Variants in SPNS1 observed in about 807,000 individuals in gnomAD.
The protein encoded by SPNS1 is protein spinster homolog 1.
Under a neutral mutation model 50.3 loss-of-function variants are expected in SPNS1, and 22 were observed. The ratio of observed to expected loss-of-function variants is 0.44; its 90% CI spans 0.31 to 0.62. The LOEUF is 0.62. Among genes scored for constraint, SPNS1 ranks in the 20% least tolerant of loss-of-function variants. SPNS1 has a pLI of 0.07. For missense variants in SPNS1, 576 were observed against 728.6 expected (o/e 0.79, Z 2.41); for synonymous variants, 295 against 317.4 (o/e 0.93, Z 0.75).
intron 3 of SPNS1, chr16:28,978,936 C>T: frequency 1.7e-6 from 1 of 601,230 alleles, no homozygotes; most frequent in East Asian, 2.9e-5. Flanking sequence ...TTGTTATCCT[C>T]CTTTTGCAGA....
At position 28,981,228 on chromosome 16, in the gene SPNS1, G is replaced by A. The variant is rs1965539355; in HGVS notation, c.664-242G>A. 1.3e-5 allele frequency among the ~76,000 whole-genome samples: 2 copies of A among 152,206 alleles called. No homozygotes were observed. The highest frequency in any genetic ancestry group is 4.1e-4 in the South Asian group (2 of 4,832). ...ATTTAAACCAAGTGGATTGAGAGAA[G>A]TAGGGGTACTGGTTTCCCAAAAGAA... On this transcript the variant is annotated intron_variant, in intron 5 of 11. Coordinates refer to ENST00000311008, the MANE Select transcript of SPNS1 (RefSeq NM_032038.3). This position sits in a 1 kb window ranked among gnomAD's most constrained non-coding sequence, Gnocchi z 4.2.
chr16:28,980,418 A>T (rs1965503223), intron 5 of SPNS1: 1 of 151,936 alleles, frequency 6.6e-6, no homozygotes, highest in Non-Finnish European at 1.5e-5. Flanking sequence ...GGTGTGAGCC[A>T]TGCGCCTGGC....
Position 28,983,678 on chromosome 16 carries a change from C to A in SPNS1, c.1321-108C>A. On this transcript the variant is annotated intron_variant, in intron 10 of 11. Coordinates refer to ENST00000311008, the MANE Select transcript of SPNS1 (RefSeq NM_032038.3). The surrounding 1 kb of genome is among the most constrained non-coding windows in gnomAD (Gnocchi z 5.4). ...CACTGCATCTAGCTCAAACCTCCTT[C>A]CCTTTCCTGGGCTCCACTTGTCTTT... 1.5e-6 allele frequency: 2 copies of A among 1,315,444 alleles called. No homozygotes were observed. The highest frequency in any genetic ancestry group is 2.1e-6 in the Non-Finnish European group (2 of 967,954). The allele number at this position is 1,315,444 out of a possible 1,614,324, so 81.5% of individuals were successfully genotyped here.
chr16:28,980,299 A>ATT, intron 5 of SPNS1: 1 of 147,238 alleles, frequency 6.8e-6, no homozygotes, highest in Non-Finnish European at 1.5e-5. Flanking sequence ...CACACACAAA[A>ATT]TTTTTTTTTT....
chr16:28,975,261 A>C lies in SPNS1; in HGVS notation c.110A>C (p.Glu37Ala). ...LPGSTGNPKS[E>A]EPEVPDQEGL... ...GGGTCCACGGGGAACCCGAAGTCCG[A>C]GGAGCCCGAGGTCCCGGACCAGGAG... The change falls in exon 1 of 12, where the codon GAG becomes GCG. Residue 37 changes from glutamate to alanine, a missense_variant. By Grantham distance (107) the Glu-to-Ala change is moderately radical. Coordinates refer to ENST00000311008, the MANE Select transcript of SPNS1 (RefSeq NM_032038.3). The C allele has an allele frequency of 6.4e-7, 1 of 1,554,010 alleles. No individual in the cohort carries two copies. The highest frequency in any genetic ancestry group is 8.7e-7 in the Non-Finnish European group (1 of 1,148,916).
chr16:28,978,329 C>T (rs1413581269), intron 3 of SPNS1: 1 of 333,184 alleles, frequency 3.0e-6, no homozygotes, highest in African/African-American at 2.1e-5. Context: ...TCTCCCTCCT[C>T]TCATTCCTGA....
intron 3 of SPNS1, among the ~76,000 whole-genome samples, chr16:28,978,314 C>T (rs1405418272): frequency 6.6e-6 from 1 of 152,070 alleles, no homozygotes; most frequent in African/African-American, 2.4e-5. Context: ...ACCTGGCCTG[C>T]CCTCTCTCCC....
Position 28,983,692 on chromosome 16 carries a change from C to T in SPNS1, c.1321-94C>T, listed in dbSNP as rs1965641473. 5.0e-6 allele frequency: 7 copies of T among 1,394,142 alleles called. No individual in the cohort carries two copies. In the South Asian group the frequency reaches 9.7e-5, roughly 19 times the overall value. 86.4% of individuals were successfully genotyped at this position (1,394,142 alleles called of 1,614,324 possible). Reference sequence around the variant, plus strand: ...CAAACCTCCTTCCCTTTCCTGGGCTCCACTTGTCTTTCTCCCTGGAGCTCA... The same window carrying T: ...CAAACCTCCTTCCCTTTCCTGGGCTTCACTTGTCTTTCTCCCTGGAGCTCA... On this transcript the variant is annotated intron_variant, in intron 10 of 11. Transcript: ENST00000311008. This position sits in a 1 kb window ranked among gnomAD's most constrained non-coding sequence, Gnocchi z 5.4.
chr16:28,979,182 G>A lies in SPNS1; in HGVS notation c.472G>A (p.Gly158Ser), dbSNP rs933255280. 2 of 1,614,104 alleles carry A rather than the reference G, an allele frequency of 1.2e-6. No individual in the cohort carries two copies. Among genetic ancestry groups the A allele is most frequent in the South Asian group, 1.1e-5 (1 of 91,080 alleles). Residue 158 changes from glycine to serine, a missense_variant, in exon 4 of 12, where the codon GGC becomes AGC. Around this residue, in one of 3 missense-constraint regions of SPNS1, gnomAD observed 428 missense variants for 520.1 expected, o/e 0.82. Transcript: ENST00000311008. Reference sequence around the variant, plus strand: ...TTTCTGGCTGCTCCTCCTGACCCGGGGCCTGGTGGGGGTCGGGGAGGCCAG... The same window carrying A: ...TTTCTGGCTGCTCCTCCTGACCCGGAGCCTGGTGGGGGTCGGGGAGGCCAG... Reference protein sequence around the residue: ...EHFWLLLLTRGLVGVGEASYS... With the variant: ...EHFWLLLLTRSLVGVGEASYS...
Position 28,977,980 on chromosome 16 carries a change from T to C in SPNS1, c.380T>C (p.Leu127Pro). The stretch of plus-strand genomic sequence containing the variant: ...GGTGACAGGTACAATCGGAAGTATC[T>C]CATGTGCGGGGGCATTGCCTTCTGG... ...YLGDRYNRKY[L>P]MCGGIAFWSL... Residue 127 changes from leucine to proline, a missense_variant, in exon 3 of 12, where the codon CTC becomes CCC. This residue lies in a region of SPNS1 where 144 missense variants were observed against 181.2 expected (regional missense o/e 0.79). Coordinates refer to ENST00000311008, the MANE Select transcript of SPNS1 (RefSeq NM_032038.3). 4 of 1,613,894 alleles carry C rather than the reference T, an allele frequency of 2.5e-6. No homozygotes were observed. Among genetic ancestry groups the C allele is most frequent in the Non-Finnish European group, 3.4e-6 (4 of 1,179,894 alleles).
chr16:28,981,775 G>A lies in SPNS1; in HGVS notation c.810-126G>A. 2.0e-6 allele frequency: 3 copies of A among 1,495,166 alleles called. No individual in the cohort carries two copies. Among genetic ancestry groups the A allele is most frequent in the South Asian group, 1.2e-5 (1 of 80,182 alleles). 92.6% of individuals were successfully genotyped at this position (1,495,166 alleles called of 1,614,324 possible). A position where few individuals can be genotyped will look rare whatever the true frequency, so the allele number is the denominator to read the frequency against. On this transcript the variant is annotated intron_variant, in intron 6 of 11. Transcript: ENST00000311008. This position sits in a 1 kb window ranked among gnomAD's most constrained non-coding sequence, Gnocchi z 4.2. The stretch of plus-strand genomic sequence containing the variant: ...GCTTGAATTACAGGCCCAGATCCTG[G>A]GAGCCAGAACCACCTCTGCACGGTG...
intron 3 of SPNS1, chr16:28,978,334 T>A (rs1360720173): frequency 3.2e-6 from 1 of 313,772 alleles, no homozygotes; most frequent in African/African-American, 2.1e-5. Flanking sequence ...CTCCTCTCAT[T>A]CCTGATCAGA....
chr16:28,982,902 A>G lies in SPNS1; in HGVS notation c.1201A>G (p.Ile401Val). ...GACCCTCCTGTCCATGAACTGGGCC[A>G]TCGTGGCCGACATTCTGCTGGTGAG... ...GETLLSMNWA[I>V]VADILLYVVI... is the part of the protein sequence containing the mutation. Residue 401 changes from isoleucine to valine, a missense_variant, in exon 9 of 12, where the codon ATC (isoleucine) becomes GTC (valine). This residue lies in a region of SPNS1 where 428 missense variants were observed against 520.1 expected (regional missense o/e 0.82). Coordinates refer to ENST00000311008, the MANE Select transcript of SPNS1 (RefSeq NM_032038.3). The G allele has an allele frequency of 6.2e-7, 1 of 1,613,816 alleles. No homozygotes were observed. The highest frequency in any genetic ancestry group is 8.5e-7 in the Non-Finnish European group (1 of 1,179,976).
At position 28,981,810 on chromosome 16, in the gene SPNS1, T is replaced by TA. The variant is rs916613846; in HGVS notation, c.810-90dup. The TA allele has an allele frequency of 9.0e-6, 14 of 1,559,672 alleles. No homozygotes were observed. Among genetic ancestry groups the TA allele is most frequent in the Non-Finnish European group, 1.2e-5 (14 of 1,140,538 alleles). ...CCACCTCTGCACGGTGTTGTGACCT[T>TA]ACTAAAATAAGCCAGGAAGGGAGAA... is the stretch of plus-strand genomic sequence containing the variant. On this transcript the variant is annotated intron_variant, in intron 6 of 11. Transcript: ENST00000311008. This position sits in a 1 kb window ranked among gnomAD's most constrained non-coding sequence, Gnocchi z 4.2.
chr16:28,980,855 AAAACAAACAAAC>A (rs145012111), intron 5 of SPNS1, among the ~76,000 whole-genome samples: 7 of 151,678 alleles, frequency 4.6e-5, no homozygotes, highest in African/African-American at 1.7e-4. Context: ...CTCTGTCTCG[AAAACAAACAAAC>A]AAACAAACAA....
chr16:28,977,820 C>A, intron 2 of SPNS1, 88 bp from the exon 3 acceptor site: 2 of 1,519,974 alleles, frequency 1.3e-6, no homozygotes, highest in South Asian at 1.2e-5. Flanking sequence ...AGAAGGCAGG[C>A]ATCTCCTGTG....
At position 28,975,243 on chromosome 16, in the gene SPNS1, CG is replaced by C; in HGVS notation, c.96del (p.Asn33ThrfsTer29). 1 of 1,537,172 alleles carries C rather than the reference CG, an allele frequency of 6.5e-7. No homozygotes were observed. On this transcript the variant is annotated frameshift_variant, in exon 1 of 12. Coordinates refer to ENST00000311008, the MANE Select transcript of SPNS1 (RefSeq NM_032038.3). LOFTEE classifies it high-confidence loss of function. The part of the protein sequence containing the change: ...VPGTPGLPGS[T>X]GNPKSEEPEV... Reference sequence around the variant, plus strand: ...GGCACCCCGGGGTTGCCAGGGTCCACGGGGAACCCGAAGTCCGAGGAGCCCG... The same window carrying C: ...GGCACCCCGGGGTTGCCAGGGTCCACGGGAACCCGAAGTCCGAGGAGCCCG...
rs146094591 is a variant in SPNS1 at position 28,975,469 on chromosome 16, A to C, written c.242-23A>C. On this transcript the variant is annotated intron_variant, in intron 1 of 11. Coordinates refer to ENST00000311008, the MANE Select transcript of SPNS1 (RefSeq NM_032038.3). ...CCCGAGGGTGGCGCTGCTTTGCCGG[A>C]CCATCCTGAATTTTCTCCTCAGGCG... 8.2e-5 allele frequency: 132 copies of C among 1,614,208 alleles called. No homozygotes were observed. In the African/African-American group the frequency reaches 1.4e-3, roughly 17 times the overall value.
chr16:28,978,971 T>G, intron 3 of SPNS1, 184 bp from the exon 4 acceptor site: 1 of 690,732 alleles, frequency 1.4e-6, no homozygotes, highest in Non-Finnish European at 2.4e-6. Flanking sequence ...CTCAGAGAGG[T>G]TAAGTTATTT....
Sources: allele counts gnomAD v4.1 joint callset (sites outside exome capture counted in the v4.1 genomes callset), GRCh38; gene constraint gnomAD v4.1.1; regional missense constraint gnomAD v4.1.1; non-coding constraint Gnocchi (gnomAD v3.1); transcripts MANE v1.5; gene names NCBI Gene and HGNC (gene_info 2026-07-23, HGNC 2026-07-21).